Variants in EFNA5 observed in about 807,000 individuals in gnomAD.
EFNA5 encodes ephrin-A5.
In EFNA5, 5 loss-of-function variants were observed where a neutral mutation model predicts 22.9. That is an observed-to-expected ratio of 0.22 (90% CI 0.11 to 0.46). EFNA5 has a LOEUF of 0.46. EFNA5 is among the 20% of genes least tolerant of loss of function. The pLI is 0.99. For missense variants in EFNA5, 237 were observed against 293.3 expected (o/e 0.81, Z 1.40); for synonymous variants, 113 against 112.2 (o/e 1.01, Z -0.04).
chr5:107,521,632 G>A (rs76531656), intron 1 of EFNA5, among the ~76,000 whole-genome samples: 2,011 of 151,840 alleles, frequency 0.013, 49 homozygotes, highest in African/African-American at 0.046. Context: ...GTGATTGCGC[G>A]GCTTACTGGG....
At chr5:107,412,044 A>G (rs1748381492) in intron 2 of EFNA5, among the ~76,000 whole-genome samples, 1 of 152,222 alleles carries the variant, frequency 6.6e-6, no homozygotes, top group South Asian at 2.1e-4. Flanking sequence ...GTGTAGACAC[A>G]GAAATGAAAA....
chr5:107,501,062 C>G (rs1472841621), intron 1 of EFNA5, among the ~76,000 whole-genome samples: 1 of 152,080 alleles, frequency 6.6e-6, no homozygotes, highest in African/African-American at 2.4e-5. Context: ...TTAGAGCATG[C>G]ATCAGGCTAG....
chr5:107,399,318 CGGAAA>C (rs70996954), intron 2 of EFNA5, among the ~76,000 whole-genome samples: 19,264 of 94,412 alleles, frequency 0.2, 1,928 homozygotes, highest in Admixed American at 0.33. Context: ...AGGAAGGAAA[CGGAAA>C]GGAAAGGAAA....
At chr5:107,503,995 A>G (rs1580500108) in intron 1 of EFNA5, among the ~76,000 whole-genome samples, 1 of 152,150 alleles carries the variant, frequency 6.6e-6, no homozygotes, top group Non-Finnish European at 1.5e-5. Context: ...CTCATTCTTC[A>G]TGACTTAAAA....
chr5:107,399,351 AAAG>A (rs1463368700), intron 2 of EFNA5, among the ~76,000 whole-genome samples: 10 of 149,980 alleles, frequency 6.7e-5, no homozygotes, highest in Non-Finnish European at 1.2e-4. Flanking sequence ...AAAGGAAAGG[AAAG>A]GAAAGGAAAG....
intron 2 of EFNA5, among the ~76,000 whole-genome samples, chr5:107,394,689 T>A (rs912651116): frequency 6.6e-6 from 1 of 152,196 alleles, no homozygotes; most frequent in African/African-American, 2.4e-5. Context: ...TTCTCACTGC[T>A]AATAACTAAC....
chr5:107,397,996 C>A (rs1318759889), intron 2 of EFNA5, among the ~76,000 whole-genome samples: 1 of 152,102 alleles, frequency 6.6e-6, no homozygotes, highest in Non-Finnish European at 1.5e-5. Flanking sequence ...CCAGGGTTTC[C>A]TTTTCCATAA....
chr5:107,440,318 T>G (rs1242881758), intron 1 of EFNA5, among the ~76,000 whole-genome samples: 2 of 152,218 alleles, frequency 1.3e-5, no homozygotes, highest in Non-Finnish European at 2.9e-5. Flanking sequence ...CTTGTCTATC[T>G]CAATGACAGA....
intron 1 of EFNA5, among the ~76,000 whole-genome samples, chr5:107,500,620 C>T (rs149565755): frequency 3.3e-5 from 5 of 152,224 alleles, no homozygotes; most frequent in Admixed American, 6.5e-5. Flanking sequence ...CTCTTACCCT[C>T]TTATACATGT....
chr5:107,406,078 T>C (rs1238059212), intron 2 of EFNA5, among the ~76,000 whole-genome samples: 1 of 113,698 alleles, frequency 8.8e-6, no homozygotes. Flanking sequence ...ACATAGAATG[T>C]ATACAAATAC....
At chr5:107,438,544 C>T (rs1175715684) in intron 1 of EFNA5, among the ~76,000 whole-genome samples, 1 of 152,112 alleles carries the variant, frequency 6.6e-6, no homozygotes, top group Non-Finnish European at 1.5e-5. Context: ...TGAGATATGT[C>T]CAGGGGTTTG....
intron 1 of EFNA5, among the ~76,000 whole-genome samples, chr5:107,595,102 G>A (rs138000379): frequency 6.6e-6 from 1 of 151,800 alleles, no homozygotes; most frequent in African/African-American, 2.4e-5. Flanking sequence ...AACCAAAAAA[G>A]TACACTATAA....
At chr5:107,481,717 G>A (rs1438627854) in intron 1 of EFNA5, among the ~76,000 whole-genome samples, 1 of 151,888 alleles carries the variant, frequency 6.6e-6, no homozygotes, top group East Asian at 1.9e-4. Flanking sequence ...GGGTGTGGTG[G>A]CACACACCTG....
intron 1 of EFNA5, among the ~76,000 whole-genome samples, chr5:107,642,188 T>A (rs185594497): frequency 1.3e-5 from 2 of 152,284 alleles, no homozygotes; most frequent in Admixed American, 6.5e-5. Flanking sequence ...AGGAGGGGAC[T>A]GTAGGGATTG....
chr5:107,482,531 G>A (rs2112401226), intron 1 of EFNA5, among the ~76,000 whole-genome samples: 1 of 152,180 alleles, frequency 6.6e-6, no homozygotes, highest in East Asian at 1.9e-4. Context: ...CCAGATCTTG[G>A]GAAACAAATT....
At chr5:107,509,935 C>T (rs942316571) in intron 1 of EFNA5, among the ~76,000 whole-genome samples, 1 of 152,170 alleles carries the variant, frequency 6.6e-6, no homozygotes, top group African/African-American at 2.4e-5. Flanking sequence ...CCATGATCAT[C>T]ATTTCACTGT....
chr5:107,644,446 C>T (rs1156302799), intron 1 of EFNA5, among the ~76,000 whole-genome samples: 2 of 152,086 alleles, frequency 1.3e-5, no homozygotes, highest in African/African-American at 2.4e-5. Flanking sequence ...CATGGTCTAT[C>T]GGAATAGGCT....
At chr5:107,548,790 T>G (rs888372936) in intron 1 of EFNA5, among the ~76,000 whole-genome samples, 3 of 152,144 alleles carry the variant, frequency 2.0e-5, no homozygotes, top group Non-Finnish European at 4.4e-5. Flanking sequence ...TGTGTTGGCT[T>G]TGGTGGATTA....
intron 1 of EFNA5, among the ~76,000 whole-genome samples, chr5:107,607,060 CA>C (rs1278978606): frequency 3.3e-5 from 5 of 152,072 alleles, no homozygotes; most frequent in African/African-American, 1.2e-4. Flanking sequence ...ACAATTGAAA[CA>C]AAAACATGAA....
Sources: allele counts gnomAD v4.1 joint callset (sites outside exome capture counted in the v4.1 genomes callset), GRCh38; gene constraint gnomAD v4.1.1; transcripts MANE v1.5; gene names NCBI Gene and HGNC (gene_info 2026-07-23, HGNC 2026-07-21).